The following ACACA variants were observed in gnomAD, a reference collection of about 807,000 sequenced individuals.
The protein encoded by ACACA is acetyl-CoA carboxylase alpha.
Under a neutral mutation model 296.1 loss-of-function variants are expected in ACACA, and 103 were observed. The ratio of observed to expected loss-of-function variants is 0.35; its 90% CI spans 0.30 to 0.41. The LOEUF (loss-of-function observed/expected upper bound fraction) is 0.41, where lower values mean the gene tolerates loss of function less well. ACACA is among the 10% of genes least tolerant of loss of function. The pLI is 1.00. For synonymous variants in ACACA, 953 were observed against 1,038.6 expected, an observed-to-expected ratio of 0.92 and a Z score of 1.58; for missense variants, 1,554 against 2,989.7, an observed-to-expected ratio of 0.52 and a Z score of 11.20.
rs1224088995 is a variant in ACACA at position 37,240,456 on chromosome 17, G to A, written c.3121+20C>T. On this transcript the variant is annotated intron_variant, in intron 24 of 55. Transcript: ENST00000616317. ...GAATCAAGGCTTTCTTAGCTAGAGA[G>A]TCCTCAGGAAGAGGCTTACCATTCT... is the stretch of plus-strand genomic sequence containing the variant. The A allele has an allele frequency of 6.2e-7, 1 of 1,609,484 alleles. No homozygotes were observed.
chr17:37,368,850 C>T (rs2049701150), intron 1 of ACACA: 1 of 152,132 alleles, frequency 6.6e-6, no homozygotes, highest in African/African-American at 2.4e-5. Context: ...TAGTAGGAAC[C>T]TGCATATATT....
Position 37,330,445 on chromosome 17 carries a change from T to G in ACACA, c.86-20A>C, listed in dbSNP as rs747836530. The G allele has an allele frequency of 6.2e-7, 1 of 1,613,900 alleles. No homozygotes were observed. The highest frequency in any genetic ancestry group is 8.5e-7 in the Non-Finnish European group (1 of 1,179,960). ...TTACAGCTATGGAGAAAATGAAAAG[T>G]GAGAAAGGCAGGTTATGAATAATAA... On this transcript the variant is annotated intron_variant, in intron 2 of 55. Transcript: ENST00000616317.
At chr17:37,209,678 T>C (rs2078661985) in intron 30 of ACACA, among the ~76,000 whole-genome samples, 1 of 152,196 alleles carries the variant, frequency 6.6e-6, no homozygotes, top group Non-Finnish European at 1.5e-5. Context: ...ACAAAATAAA[T>C]GTAAATCTAT....
At chr17:37,115,367 C>T (rs2143001904) in intron 50 of ACACA, among the ~76,000 whole-genome samples, 1 of 152,260 alleles carries the variant, frequency 6.6e-6, no homozygotes, top group South Asian at 2.1e-4. Flanking sequence ...TTTTTCAGTG[C>T]TGCCAAGAGT....
intron 3 of ACACA, among the ~76,000 whole-genome samples, chr17:37,294,841 G>A (rs772612268): frequency 2.0e-5 from 3 of 152,210 alleles, no homozygotes; most frequent in African/African-American, 4.8e-5. Context: ...AGTGTCAGAC[G>A]TCTCTGACCT....
rs529280680 is a variant in ACACA at position 37,229,554 on chromosome 17, C to T, written c.3247-3102G>A. 8.6e-5 allele frequency among the ~76,000 whole-genome samples: 13 copies of T among 152,010 alleles called. No homozygotes were observed. The South Asian group carries it at 2.1e-3, about 24-fold the overall frequency. Reference sequence around the variant, plus strand: ...TCCTGACCTTGTGATCCACCCGCCTCGGCCTCCCAAAGTGCTGGGATTACA... The same window carrying T: ...TCCTGACCTTGTGATCCACCCGCCTTGGCCTCCCAAAGTGCTGGGATTACA... On this transcript the variant is annotated intron_variant, in intron 25 of 55. Transcript: ENST00000616317.
chr17:37,163,806 C>T (rs575343956), intron 41 of ACACA, among the ~76,000 whole-genome samples: 12 of 152,302 alleles, frequency 7.9e-5, no homozygotes, highest in African/African-American at 2.4e-4. Context: ...AGCATCTGGC[C>T]AGCTACACAA....
In ACACA at chr17:37,324,594, C is replaced by T. The variant is rs537307036; in HGVS notation, c.338+5579G>A. Among the ~76,000 whole-genome samples, 1,081 of 148,508 alleles carry T rather than the reference C, an allele frequency of 7.3e-3. 8 individuals are homozygous for T. Among genetic ancestry groups the T allele is most frequent in the Middle Eastern group, 0.022 (6 of 270 alleles). The stretch of plus-strand genomic sequence containing the variant: ...CTGAGGCAGGAGAATCACTTGAACC[C>T]GGGAGGCAGAGGTTGCAGTGAGCTG... On this transcript the variant is annotated intron_variant, in intron 3 of 55. Transcript: ENST00000616317.
chr17:37,259,466 C>G lies in ACACA; in HGVS notation c.1394G>C (p.Ser465Thr). ...VSAGTVEYLY[S>T]QDGSFYFLEL... ...CAGAAAGTAGAAGCTGCCATCCTGG[C>G]TGTACAGGTATTCCACAGTCCCAGC... Residue 465 changes from serine to threonine, a missense_variant, in exon 12 of 56, where the codon AGC (serine) becomes ACC (threonine). This residue lies in a region of ACACA where 82 missense variants were observed against 185.2 expected (regional missense o/e 0.44). Coordinates refer to ENST00000616317, the MANE Select transcript of ACACA (RefSeq NM_198834.3). The G allele has an allele frequency of 6.2e-7, 1 of 1,614,184 alleles. No homozygotes were observed. The highest frequency in any genetic ancestry group is 8.5e-7 in the Non-Finnish European group (1 of 1,180,020).
rs552526784 is a variant in ACACA at position 37,316,900 on chromosome 17, G to A, written c.338+13273C>T. 4.4e-4 allele frequency among the ~76,000 whole-genome samples: 66 copies of A among 151,690 alleles called. 1 individual carries two copies. The South Asian group carries it at 9.8e-3, about 23-fold the overall frequency. ...CCAGCCTGGCCAACATGGCGAAACC[G>A]TGTCTCTACAAAAAATACAAAAATT... On this transcript the variant is annotated intron_variant, in intron 3 of 55. Coordinates refer to ENST00000616317, the MANE Select transcript of ACACA (RefSeq NM_198834.3).
intron 1 of ACACA, among the ~76,000 whole-genome samples, chr17:37,385,329 C>T (rs1030854068): frequency 1.3e-5 from 2 of 152,074 alleles, no homozygotes; most frequent in Non-Finnish European, 2.9e-5. Context: ...AAAAATTAGC[C>T]GGGTGCGATG....
At chr17:37,321,614 G>A (rs568082360) in intron 3 of ACACA, among the ~76,000 whole-genome samples, 13 of 152,284 alleles carry the variant, frequency 8.5e-5, no homozygotes, top group South Asian at 4.2e-4. Context: ...CAGGCGTGGC[G>A]GCATGTGCCT....
At chr17:37,316,790 A>G (rs2047113296) in intron 3 of ACACA, among the ~76,000 whole-genome samples, 2 of 152,156 alleles carry the variant, frequency 1.3e-5, no homozygotes, top group Non-Finnish European at 1.5e-5. Flanking sequence ...ATTTAGAATC[A>G]GGCCAGGCGA....
intron 43 of ACACA, among the ~76,000 whole-genome samples, chr17:37,152,577 G>A (rs1462145949): frequency 1.3e-5 from 2 of 152,106 alleles, no homozygotes; most frequent in Non-Finnish European, 2.9e-5. Context: ...GTGAAATGCT[G>A]ACCAAGTTGT....
chr17:37,307,062 A>G (rs1157696235), intron 3 of ACACA, among the ~76,000 whole-genome samples: 1 of 152,180 alleles, frequency 6.6e-6, no homozygotes, highest in Non-Finnish European at 1.5e-5. Context: ...AAATTCACCC[A>G]TGTTGTGATA....
At chr17:37,150,267 C>T (rs780655702) in intron 44 of ACACA, among the ~76,000 whole-genome samples, 2 of 151,826 alleles carry the variant, frequency 1.3e-5, no homozygotes, top group South Asian at 2.1e-4. Context: ...TGGGGCCGGG[C>T]GAGGCAGCTC....
chr17:37,114,743 G>A (rs58683971), intron 50 of ACACA, among the ~76,000 whole-genome samples: 2,415 of 152,186 alleles, frequency 0.016, 65 homozygotes, highest in African/African-American at 0.053. Context: ...TGTTTAATGA[G>A]TACTTCAGTG....
intron 3 of ACACA, among the ~76,000 whole-genome samples, chr17:37,322,374 G>A (rs1598484863): frequency 6.6e-6 from 1 of 152,132 alleles, no homozygotes; most frequent in Non-Finnish European, 1.5e-5. Context: ...ATAAAATGAA[G>A]ATCATTCAGT....
intron 1 of ACACA, among the ~76,000 whole-genome samples, chr17:37,363,337 C>G (rs2049487962): frequency 6.6e-6 from 1 of 151,884 alleles, no homozygotes; most frequent in South Asian, 2.1e-4. Context: ...CGCGTGCCAC[C>G]ATGCCCAGCT....
Sources: allele counts gnomAD v4.1 joint callset (sites outside exome capture counted in the v4.1 genomes callset), GRCh38; gene constraint gnomAD v4.1.1; regional missense constraint gnomAD v4.1.1; transcripts MANE v1.5; gene names NCBI Gene and HGNC (gene_info 2026-07-23, HGNC 2026-07-21).